SLC25A43: variants seen among roughly 807,000 people sequenced by gnomAD.
SLC25A43 encodes solute carrier family 25, member 43.
In SLC25A43, 10 loss-of-function variants were observed where a neutral mutation model predicts 22.8. The observed-to-expected ratio is 0.44, with a 90% CI of 0.27 to 0.74. SLC25A43 has a LOEUF of 0.74. SLC25A43 is among the 30% of genes least tolerant of loss of function. The pLI is 0.17. For synonymous variants in SLC25A43, 106 were observed against 121.6 expected (o/e 0.87, Z 0.84); for missense variants, 233 against 279.1 (o/e 0.83, Z 1.18).
At chrX:119,419,042 C>T (rs188653523) in intron 3 of SLC25A43, among the ~76,000 whole-genome samples, 1 of 112,296 alleles carries the variant, frequency 8.9e-6, no homozygotes, top group Admixed American at 9.4e-5. Flanking sequence ...CGAATAAGAA[C>T]CAGGGAGTCC....
chrX:119,453,779 C>T lies in SLC25A43; in HGVS notation c.*714C>T, dbSNP rs1478303044. ...CATGCAATCCTCCTGCCTTGGCCTCCCAAAGCGCTAGGATTAGAGGTGTGA... is the reference window on the plus strand; with the variant it reads ...CATGCAATCCTCCTGCCTTGGCCTCTCAAAGCGCTAGGATTAGAGGTGTGA... On this transcript the variant is annotated 3_prime_UTR_variant, in exon 5 of 5. Coordinates refer to ENST00000217909, the MANE Select transcript of SLC25A43 (RefSeq NM_145305.3). The T allele has an allele frequency of 8.9e-6, 1 of 112,316 alleles. No individual in the cohort carries two copies. Among genetic ancestry groups the T allele is most frequent in the Non-Finnish European group, 1.9e-5 (1 of 53,525 alleles). 9.3% of individuals were successfully genotyped at this position (112,316 alleles called of 1,213,427 possible).
At chrX:119,431,534 G>GA (rs2052551993) in intron 3 of SLC25A43, among the ~76,000 whole-genome samples, 1 of 106,907 alleles carries the variant, frequency 9.4e-6, no homozygotes, top group East Asian at 2.9e-4. Context: ...AAAAAGAAAA[G>GA]AAAAGAAAGA....
At chrX:119,401,071 T>C (rs2052233677) in intron 1 of SLC25A43, among the ~76,000 whole-genome samples, 3 of 111,411 alleles carry the variant, frequency 2.7e-5, no homozygotes, top group Non-Finnish European at 1.9e-5. Context: ...GCACATTAGA[T>C]TTTTTAAGCT....
rs140405827 is a variant in SLC25A43, at chrX:119,418,130, T to C, written c.690+7768T>C. Among the ~76,000 whole-genome samples the C allele has an allele frequency of 5.8e-3, 645 of 111,354 alleles. 6 individuals are homozygous for C. The highest frequency in any genetic ancestry group is 0.02 in the African/African-American group (625 of 30,737). ...AGTTAACAACTTCATAATCCCTGCT[T>C]GAAATCCATCTTTGGTTTGGAGAAT... is the stretch of plus-strand genomic sequence containing the variant. On this transcript the variant is annotated intron_variant, in intron 3 of 4. Transcript: ENST00000217909.
intron 2 of SLC25A43, among the ~76,000 whole-genome samples, chrX:119,408,081 C>T (rs1032409821): frequency 2.7e-5 from 3 of 110,534 alleles, no homozygotes; most frequent in African/African-American, 9.9e-5. Flanking sequence ...CATTTCACTG[C>T]TCTCCTTAAA....
intron 2 of SLC25A43, among the ~76,000 whole-genome samples, chrX:119,409,164 ATTTAT>A (rs2052325216): frequency 1.1e-5 from 1 of 94,208 alleles, no homozygotes; most frequent in Non-Finnish European, 2.1e-5. Flanking sequence ...TATTTTATTT[ATTTAT>A]TTATTTATTT....
chrX:119,444,658 G>A (rs189089552), intron 3 of SLC25A43, among the ~76,000 whole-genome samples: 3 of 103,019 alleles, frequency 2.9e-5, no homozygotes, highest in African/African-American at 7.2e-5. Context: ...AGCCAAGATC[G>A]TGGCATTGCA....
In SLC25A43 at chrX:119,412,011, A is replaced by C. The variant is rs752073112; in HGVS notation, c.690+1649A>C. On this transcript the variant is annotated intron_variant, in intron 3 of 4. Transcript: ENST00000217909. The stretch of plus-strand genomic sequence containing the variant: ...ATTAATTTGGGGTCAGCTGAATCCA[A>C]GTTTAAATGAGCAGTCCCAGCCAAG... Among the ~76,000 whole-genome samples the C allele has an allele frequency of 8.0e-5, 9 of 111,836 alleles. No homozygotes were observed. The East Asian group carries it at 2.5e-3, about 31-fold the overall frequency.
chrX:119,444,540 C>A (rs1408479044), intron 3 of SLC25A43, among the ~76,000 whole-genome samples: 1 of 106,971 alleles, frequency 9.3e-6, no homozygotes, highest in Non-Finnish European at 1.9e-5. Flanking sequence ...CCCATCTCTA[C>A]TAAAAATACA....
At chrX:119,408,352 C>G (rs1025543380) in intron 2 of SLC25A43, among the ~76,000 whole-genome samples, 4 of 111,969 alleles carry the variant, frequency 3.6e-5, no homozygotes, top group Non-Finnish European at 7.5e-5. Context: ...CAAAAGTTCT[C>G]TCTTTCATCA....
chrX:119,414,401 G>C (rs1487441815), intron 3 of SLC25A43, among the ~76,000 whole-genome samples: 2 of 111,159 alleles, frequency 1.8e-5, no homozygotes, highest in Non-Finnish European at 3.8e-5. Flanking sequence ...TTTTTGTTTT[G>C]TTTTGTTTTT....
At chrX:119,431,342 A>T (rs1011310242) in intron 3 of SLC25A43, among the ~76,000 whole-genome samples, 1 of 110,413 alleles carries the variant, frequency 9.1e-6, no homozygotes, top group Non-Finnish European at 1.9e-5. Context: ...ACATGGTGAA[A>T]CCCCATCTCT....
intron 3 of SLC25A43, chrX:119,451,760 C>A: frequency 1.1e-6 from 1 of 931,661 alleles, no homozygotes; most frequent in South Asian, 2.6e-5. Context: ...TTGAATCTGT[C>A]CCAAATGTCT....
chrX:119,409,156 TTTTATTTATTTA>T (rs3078516), intron 2 of SLC25A43, among the ~76,000 whole-genome samples: 50 of 107,335 alleles, frequency 4.7e-4, no homozygotes, highest in East Asian at 8.8e-4. Flanking sequence ...TCCATTTTTA[TTTTATTTATTTA>T]TTTATTTATT....
intron 3 of SLC25A43, among the ~76,000 whole-genome samples, chrX:119,445,614 C>T (rs1438296174): frequency 8.9e-6 from 1 of 111,768 alleles, no homozygotes; most frequent in East Asian, 2.8e-4. Flanking sequence ...ATTGCAGTGG[C>T]CCAGTAGGCA....
chrX:119,409,348 T>G (rs1196090620), intron 2 of SLC25A43, among the ~76,000 whole-genome samples: 1 of 107,531 alleles, frequency 9.3e-6, no homozygotes, highest in African/African-American at 3.4e-5. Context: ...GCCCAGTTAC[T>G]TTTTGTATTT....
intron 2 of SLC25A43, among the ~76,000 whole-genome samples, chrX:119,409,664 G>A (rs1371320129): frequency 9.0e-6 from 1 of 110,502 alleles, no homozygotes; most frequent in Admixed American, 9.6e-5. Flanking sequence ...CACCCATGCT[G>A]GGGTGCCGTG....
intron 3 of SLC25A43, among the ~76,000 whole-genome samples, chrX:119,410,720 C>G (rs184622920): frequency 9.1e-6 from 1 of 110,381 alleles, no homozygotes; most frequent in Admixed American, 9.6e-5. Flanking sequence ...GAAACCCCGC[C>G]TCTACTAAAC....
chrX:119,402,451 ACAACC>A (rs2052246845), intron 1 of SLC25A43, among the ~76,000 whole-genome samples: 1 of 111,983 alleles, frequency 8.9e-6, no homozygotes, highest in African/African-American at 3.2e-5. Flanking sequence ...CTGGAACTTC[ACAACC>A]GCTTGTCTAT....
Sources: gnomAD v4.1 joint callset for allele counts (sites outside exome capture counted in the v4.1 genomes callset) on GRCh38, gnomAD v4.1.1 for gene constraint, MANE v1.5 for transcripts, NCBI Gene and HGNC (gene_info 2026-07-23, HGNC 2026-07-21) for gene names.